Variants in SLC36A1 observed in about 807,000 individuals in gnomAD.
SLC36A1 encodes the protein solute carrier family 36 member 1.
Under a neutral mutation model 47.5 loss-of-function variants are expected in SLC36A1, and 30 were observed. The ratio of observed to expected loss-of-function variants is 0.63; its 90% CI spans 0.47 to 0.86. SLC36A1 has a LOEUF of 0.86. Ranked by LOEUF, SLC36A1 falls within the 40% of genes least tolerant of loss-of-function variation. The pLI is 0.00. For missense variants in SLC36A1, 517 were observed against 606.0 expected, an observed-to-expected ratio of 0.85 and a Z score of 1.54; for synonymous variants, 255 against 249.7, an observed-to-expected ratio of 1.02 and a Z score of -0.20.
At chr5:151,356,935 G>A in the SLC36A1 span, among the ~76,000 whole-genome samples, 1 of 152,166 alleles carries the variant, frequency 6.6e-6, no homozygotes, top group Admixed American at 6.5e-5. Flanking sequence ...ATGAAGCCAG[G>A]TAGCTGATGA....
At chr5:151,382,705 T>G in the SLC36A1 span, among the ~76,000 whole-genome samples, 1 of 152,192 alleles carries the variant, frequency 6.6e-6, no homozygotes, top group African/African-American at 2.4e-5. Flanking sequence ...AATCTGATTC[T>G]CAGAAAACCT....
the SLC36A1 span, among the ~76,000 whole-genome samples, chr5:151,416,346 G>C: frequency 6.6e-6 from 1 of 152,148 alleles, no homozygotes; most frequent in Non-Finnish European, 1.5e-5. Context: ...AGCTTGCCTT[G>C]GATCTGGACT....
chr5:151,527,486 T>C, the SLC36A1 span: 1 of 1,121,884 alleles, frequency 8.9e-7, no homozygotes, highest in Non-Finnish European at 1.2e-6. Context: ...GACACTTTCC[T>C]ATGCCCACCC....
chr5:151,524,410 T>C, the SLC36A1 span, among the ~76,000 whole-genome samples: 1 of 149,880 alleles, frequency 6.7e-6, no homozygotes, highest in Non-Finnish European at 1.5e-5. Context: ...CCCTTGTGAA[T>C]GGGATTAGGG....
At chr5:151,540,881 C>T in the SLC36A1 span, 2 of 884,390 alleles carry the variant, frequency 2.3e-6, no homozygotes, top group African/African-American at 1.7e-5. Context: ...CAAACATTTC[C>T]TTCCTTAACT....
chr5:151,522,870 C>T, the SLC36A1 span, among the ~76,000 whole-genome samples: 76 of 152,236 alleles, frequency 5.0e-4, no homozygotes, highest in Admixed American at 7.9e-4. Context: ...TGGGCTGGCA[C>T]GCGCAGGGTT....
chr5:151,479,519 G>A (rs771155197), intron 10 of SLC36A1, 30 bp downstream of exon 10: 1 of 1,600,546 alleles, frequency 6.2e-7, no homozygotes, highest in East Asian at 2.3e-5. Context: ...TGCCTTGCTT[G>A]TTTTTCCCTA....
At chr5:151,391,981 C>T in the SLC36A1 span, among the ~76,000 whole-genome samples, 1 of 152,108 alleles carries the variant, frequency 6.6e-6, no homozygotes, top group Non-Finnish European at 1.5e-5. Context: ...GGAATGGTAC[C>T]AGCTCCTTGT....
At chr5:151,537,671 A>G in the SLC36A1 span, 1 of 959,228 alleles carries the variant, frequency 1.0e-6, no homozygotes. Context: ...CATAGGGCCA[A>G]TATATGTTTG....
At chr5:151,372,960 ATTTGAC>A in the SLC36A1 span, among the ~76,000 whole-genome samples, 2 of 152,162 alleles carry the variant, frequency 1.3e-5, no homozygotes, top group South Asian at 4.1e-4. Context: ...CAAAAGAAAT[ATTTGAC>A]TTTGAGAAGA....
the SLC36A1 span, among the ~76,000 whole-genome samples, chr5:151,377,347 CTTTT>C: frequency 5.0e-5 from 6 of 120,302 alleles, no homozygotes; most frequent in Admixed American, 8.4e-5. Context: ...CTGTCTCTTT[CTTTT>C]TTTTTTTTTT....
At chr5:151,358,953 C>CCTGG in the SLC36A1 span, among the ~76,000 whole-genome samples, 1 of 142,640 alleles carries the variant, frequency 7.0e-6, no homozygotes, top group Non-Finnish European at 1.5e-5. Flanking sequence ...CGCAGTCCGG[C>CCTGG]CTGGGCGACA....
At chr5:151,373,582 G>T in the SLC36A1 span, among the ~76,000 whole-genome samples, 1 of 151,946 alleles carries the variant, frequency 6.6e-6, no homozygotes, top group Non-Finnish European at 1.5e-5. Context: ...AAAAACAAAT[G>T]AAAACTAAGA....
At chr5:151,508,564 G>A in the SLC36A1 span, among the ~76,000 whole-genome samples, 1 of 152,100 alleles carries the variant, frequency 6.6e-6, no homozygotes, top group South Asian at 2.1e-4. Context: ...ACAAAAATTA[G>A]CCAGGTGTTA....
At chr5:151,388,462 T>C in the SLC36A1 span, among the ~76,000 whole-genome samples, 1 of 138,208 alleles carries the variant, frequency 7.2e-6, no homozygotes, top group Non-Finnish European at 1.5e-5. Context: ...GATGGCAACA[T>C]TGCATTCCAG....
the SLC36A1 span, among the ~76,000 whole-genome samples, chr5:151,373,782 A>G: frequency 6.6e-6 from 1 of 152,158 alleles, no homozygotes; most frequent in African/African-American, 2.4e-5. Flanking sequence ...TCTGTTGCTC[A>G]GGAGAGTAGT....
chr5:151,384,031 CA>C, the SLC36A1 span, among the ~76,000 whole-genome samples: 74,804 of 148,810 alleles, frequency 0.5, 20,495 homozygotes, highest in African/African-American at 0.75. Flanking sequence ...TGTTTTGTGA[CA>C]AAAAAAAAAG....
chr5:151,499,058 T>C, the SLC36A1 span, among the ~76,000 whole-genome samples: 2 of 152,234 alleles, frequency 1.3e-5, no homozygotes, highest in African/African-American at 4.8e-5. Context: ...CTAAATTCAG[T>C]GTAGTCTCCT....
chr5:151,396,749 G>A, the SLC36A1 span, among the ~76,000 whole-genome samples: 1 of 152,204 alleles, frequency 6.6e-6, no homozygotes, highest in African/African-American at 2.4e-5. Context: ...GACAAGCACT[G>A]TGCTAAGGTC....
Sources: gnomAD v4.1 joint callset for allele counts (sites outside exome capture counted in the v4.1 genomes callset) on GRCh38, gnomAD v4.1.1 for gene constraint, MANE v1.5 for transcripts, NCBI Gene and HGNC (gene_info 2026-07-23, HGNC 2026-07-21) for gene names.